The following MYO3B variants were observed in gnomAD, a reference collection of about 807,000 sequenced individuals.
MYO3B encodes the protein myosin-IIIb.
A neutral mutation model predicts 174.6 loss-of-function variants in MYO3B; 156 were observed. That is an observed-to-expected ratio of 0.89 (90% confidence interval 0.78 to 1.02). The LOEUF (loss-of-function observed/expected upper bound fraction) is 1.02, where lower values mean the gene tolerates loss of function less well. MYO3B is among the 50% of genes least tolerant of loss of function. The pLI is 0.00. For missense variants in MYO3B, 1,632 were observed against 1,639.4 expected (o/e 1.00, Z 0.08); for synonymous variants, 563 against 569.1 (o/e 0.99, Z 0.15).
At chr2:170,524,387 T>G in intron 30 of MYO3B, 1 of 366,364 alleles carries the variant, frequency 2.7e-6, no homozygotes, top group South Asian at 2.0e-5. Flanking sequence ...GAATAAATGG[T>G]GGGTCTGGGC....
At chr2:170,274,715 G>A (rs2093451053) in intron 7 of MYO3B, among the ~76,000 whole-genome samples, 1 of 152,020 alleles carries the variant, frequency 6.6e-6, no homozygotes, top group Non-Finnish European at 1.5e-5. Context: ...TTATCAAAAT[G>A]CACAGAACTC....
chr2:170,203,426 C>A (rs2092682710), intron 3 of MYO3B, among the ~76,000 whole-genome samples: 1 of 127,656 alleles, frequency 7.8e-6, no homozygotes, highest in Admixed American at 1.0e-4. Context: ...AGTTTTACAT[C>A]TTTTTTTTCC....
chr2:170,543,526 G>A (rs950008227), intron 31 of MYO3B, among the ~76,000 whole-genome samples: 5 of 152,172 alleles, frequency 3.3e-5, no homozygotes, highest in African/African-American at 7.2e-5. Flanking sequence ...ATGTTAAGCA[G>A]ATTAATACCT....
chr2:170,575,317 T>C (rs1422456903), intron 32 of MYO3B, among the ~76,000 whole-genome samples: 1 of 152,086 alleles, frequency 6.6e-6, no homozygotes, highest in Non-Finnish European at 1.5e-5. Flanking sequence ...TATGTTTATA[T>C]TTTTTTCCTC....
In MYO3B at chr2:170,387,309, G is replaced by C. The variant is rs375081165; in HGVS notation, c.1577+1G>C. 13 of 1,613,742 alleles carry C rather than the reference G, an allele frequency of 8.1e-6. No individual in the cohort carries two copies. The highest frequency in any genetic ancestry group is 2.2e-5 in the East Asian group (1 of 44,878). On this transcript the variant is annotated splice_donor_variant, in intron 14 of 34. Transcript: ENST00000408978. LOFTEE classifies it high-confidence loss of function. The stretch of plus-strand genomic sequence containing the variant: ...AATCCAGAGTTATAAAACAGGCAGC[G>C]TAGGTGCACTACTTTATCACTGTGT...
intron 23 of MYO3B, among the ~76,000 whole-genome samples, chr2:170,448,483 A>T (rs933362570): frequency 6.6e-6 from 1 of 152,120 alleles, no homozygotes; most frequent in African/African-American, 2.4e-5. Flanking sequence ...TTAGGTATTG[A>T]CCCCTAGGTA....
At chr2:170,606,350 C>T (rs372316427) in intron 32 of MYO3B, among the ~76,000 whole-genome samples, 71 of 152,296 alleles carry the variant, frequency 4.7e-4, no homozygotes, top group Admixed American at 1.8e-3. Context: ...GATCTGCCTC[C>T]GGGACATGGA....
chr2:170,561,413 C>T (rs1691704223), intron 32 of MYO3B, among the ~76,000 whole-genome samples: 1 of 152,204 alleles, frequency 6.6e-6, no homozygotes, highest in Non-Finnish European at 1.5e-5. Context: ...TTTTCTTCAG[C>T]AGTCTGACAA....
chr2:170,557,555 A>G (rs1386432500), intron 32 of MYO3B, among the ~76,000 whole-genome samples: 1 of 152,174 alleles, frequency 6.6e-6, no homozygotes, highest in Non-Finnish European at 1.5e-5. Flanking sequence ...TTCCTCATTC[A>G]TTAGGATATT....
intron 32 of MYO3B, among the ~76,000 whole-genome samples, chr2:170,603,668 T>A (rs1169384415): frequency 6.6e-6 from 1 of 152,228 alleles, no homozygotes; most frequent in African/African-American, 2.4e-5. Flanking sequence ...AGGTTTTGTG[T>A]GTTTTTAGGC....
intron 8 of MYO3B, among the ~76,000 whole-genome samples, chr2:170,337,439 T>TA (rs1178521628): frequency 6.6e-6 from 1 of 152,216 alleles, no homozygotes; most frequent in Non-Finnish European, 1.5e-5. Flanking sequence ...CTGATGCCTC[T>TA]AAAAATGTGA....
intron 6 of MYO3B, among the ~76,000 whole-genome samples, chr2:170,227,589 A>G (rs1335281093): frequency 6.6e-6 from 1 of 152,128 alleles, no homozygotes; most frequent in Non-Finnish European, 1.5e-5. Flanking sequence ...CCGGCCTCCC[A>G]TACCTTTTTT....
intron 30 of MYO3B, among the ~76,000 whole-genome samples, chr2:170,521,719 C>T (rs1484472349): frequency 3.9e-5 from 6 of 151,902 alleles, no homozygotes; most frequent in African/African-American, 1.5e-4. Context: ...TACCTCCCCC[C>T]ATACTAAAAA....
chr2:170,284,213 T>C (rs1401720645), intron 7 of MYO3B, among the ~76,000 whole-genome samples: 1 of 152,120 alleles, frequency 6.6e-6, no homozygotes, highest in Non-Finnish European at 1.5e-5. Flanking sequence ...AATTTAAATG[T>C]CCAAATGAGC....
chr2:170,215,454 T>G (rs2092817459), intron 5 of MYO3B, among the ~76,000 whole-genome samples: 1 of 152,222 alleles, frequency 6.6e-6, no homozygotes, highest in Non-Finnish European at 1.5e-5. Context: ...ATTTGGTTTT[T>G]TTTTTAAGTT....
rs188007787 is a variant in MYO3B, at chr2:170,200,691, G to A, written c.321+407G>A. ...TTCATTAGTCCTCATTTTAGATTGG[G>A]TTTCCTGAAAACTGACTCTGAGAAT... On this transcript the variant is annotated intron_variant, in intron 3 of 34. Transcript: ENST00000408978. 1.1e-3 allele frequency among the ~76,000 whole-genome samples: 164 copies of A among 152,300 alleles called. 1 individual carries two copies. The highest frequency in any genetic ancestry group is 3.7e-3 in the African/African-American group (154 of 41,562).
At chr2:170,631,171 CTAACTAGAA>C (rs1288489688) in intron 32 of MYO3B, among the ~76,000 whole-genome samples, 4 of 152,032 alleles carry the variant, frequency 2.6e-5, no homozygotes, top group African/African-American at 9.7e-5. Flanking sequence ...AGATGAATGG[CTAACTAGAA>C]TAACCAATGC....
At chr2:170,284,865 T>A (rs1036671661) in intron 7 of MYO3B, among the ~76,000 whole-genome samples, 1 of 152,222 alleles carries the variant, frequency 6.6e-6, no homozygotes, top group Non-Finnish European at 1.5e-5. Flanking sequence ...GTATTTTTCT[T>A]ATGCATTTTA....
At chr2:170,576,081 G>A (rs1437030595) in intron 32 of MYO3B, among the ~76,000 whole-genome samples, 1 of 152,146 alleles carries the variant, frequency 6.6e-6, no homozygotes, top group Non-Finnish European at 1.5e-5. Flanking sequence ...TTTCTTTAAA[G>A]AATTTAACAA....
Sources: allele counts gnomAD v4.1 joint callset (sites outside exome capture counted in the v4.1 genomes callset), GRCh38; gene constraint gnomAD v4.1.1; transcripts MANE v1.5; gene names NCBI Gene and HGNC (gene_info 2026-07-23, HGNC 2026-07-21).